Variants in SHISA9 observed in about 807,000 individuals in gnomAD.
The protein encoded by SHISA9 is protein shisa-9.
A neutral mutation model predicts 38.0 loss-of-function variants in SHISA9; 13 were observed. The observed-to-expected ratio is 0.34, with a 90% confidence interval of 0.22 to 0.54. The LOEUF (loss-of-function observed/expected upper bound fraction) is 0.54, where lower values mean the gene tolerates loss of function less well. Ranked by LOEUF, SHISA9 falls within the 20% of genes least tolerant of loss-of-function variation. SHISA9 has a pLI of 0.91. For missense variants in SHISA9, 538 were observed against 575.8 expected, an observed-to-expected ratio of 0.93 and a Z score of 0.67; for synonymous variants, 275 against 242.0, an observed-to-expected ratio of 1.14 and a Z score of -1.27.
intron 2 of SHISA9, among the ~76,000 whole-genome samples, chr16:13,114,900 CTCCATCCATCCATCCA>C (rs3075115): frequency 6.7e-6 from 1 of 149,786 alleles, no homozygotes; most frequent in African/African-American, 2.5e-5. Context: ...TTACATCTAA[CTCCATCCATCCATCCA>C]TCCATCCATC....
the SHISA9 span, among the ~76,000 whole-genome samples, chr16:13,287,779 G>A: frequency 8.5e-5 from 13 of 152,138 alleles, no homozygotes; most frequent in African/African-American, 2.2e-4. Flanking sequence ...AAATTCAGCT[G>A]AACAATGATA....
chr16:13,387,688 C>A, the SHISA9 span, among the ~76,000 whole-genome samples: 22 of 152,062 alleles, frequency 1.4e-4, no homozygotes, highest in Non-Finnish European at 2.8e-4. Flanking sequence ...CAATGTTTCA[C>A]CATGTTGGCC....
chr16:13,211,623 G>A (rs969608573), intron 3 of SHISA9, among the ~76,000 whole-genome samples: 24 of 152,288 alleles, frequency 1.6e-4, no homozygotes, highest in Non-Finnish European at 3.4e-4. Flanking sequence ...GTGTGACCAA[G>A]TACACAGTGG....
At chr16:13,301,935 C>A in the SHISA9 span, among the ~76,000 whole-genome samples, 3 of 152,092 alleles carry the variant, frequency 2.0e-5, no homozygotes, top group Non-Finnish European at 4.4e-5. Flanking sequence ...GTGGTACATG[C>A]CTGGTGCAAG....
At chr16:13,175,282 T>TG (rs2050722268) in intron 2 of SHISA9, among the ~76,000 whole-genome samples, 1 of 152,046 alleles carries the variant, frequency 6.6e-6, no homozygotes, top group African/African-American at 2.4e-5. Context: ...CCAGCTACTC[T>TG]GGAGGCTGAG....
chr16:13,496,201 C>T, the SHISA9 span, among the ~76,000 whole-genome samples: 1 of 152,022 alleles, frequency 6.6e-6, no homozygotes, highest in Non-Finnish European at 1.5e-5. Flanking sequence ...AATGTTTTAC[C>T]TGGAAAGATG....
At chr16:12,993,457 G>T (rs2072415695) in intron 2 of SHISA9, among the ~76,000 whole-genome samples, 1 of 152,096 alleles carries the variant, frequency 6.6e-6, no homozygotes, top group African/African-American at 2.4e-5. Context: ...CTGAGCTTCA[G>T]TTTCCTTCAA....
At chr16:13,204,367 G>A (rs532061546) in intron 3 of SHISA9, among the ~76,000 whole-genome samples, 4 of 152,208 alleles carry the variant, frequency 2.6e-5, no homozygotes, top group East Asian at 1.9e-4. Context: ...GTGGCTGGGC[G>A]AGGGGCACAT....
At chr16:13,213,884 A>C (rs947119623) in intron 4 of SHISA9, among the ~76,000 whole-genome samples, 10 of 152,314 alleles carry the variant, frequency 6.6e-5, no homozygotes, top group African/African-American at 2.4e-4. Flanking sequence ...TATGTGCCAG[A>C]GGACTGGCCC....
At chr16:13,473,243 A>G in the SHISA9 span, among the ~76,000 whole-genome samples, 1 of 151,992 alleles carries the variant, frequency 6.6e-6, no homozygotes, top group Non-Finnish European at 1.5e-5. Flanking sequence ...ATTTTCCATT[A>G]CCAAGGCAAG....
the SHISA9 span, among the ~76,000 whole-genome samples, chr16:13,282,184 G>A: frequency 6.6e-6 from 1 of 152,094 alleles, no homozygotes; most frequent in South Asian, 2.1e-4. Context: ...ATGCAGGCAT[G>A]CTGGTAATGT....
intron 1 of SHISA9, chr16:12,909,365 C>T: frequency 1.0e-6 from 1 of 985,436 alleles, no homozygotes; most frequent in Non-Finnish European, 1.2e-6. Flanking sequence ...ATAATTGATG[C>T]TTCTTGTGCA....
intron 2 of SHISA9, among the ~76,000 whole-genome samples, chr16:12,979,716 G>A (rs1017441346): frequency 3.3e-4 from 50 of 152,062 alleles, no homozygotes; most frequent in African/African-American, 1.2e-3. Context: ...AACGTTGTGT[G>A]TTGCTGTGGT....
the SHISA9 span, among the ~76,000 whole-genome samples, chr16:13,512,409 C>T: frequency 2.0e-4 from 31 of 152,088 alleles, no homozygotes; most frequent in African/African-American, 5.8e-4. Flanking sequence ...GAATCAATAT[C>T]GTGAAAATGG....
chr16:13,549,930 G>A, the SHISA9 span, among the ~76,000 whole-genome samples: 1 of 152,124 alleles, frequency 6.6e-6, no homozygotes, highest in Admixed American at 6.5e-5. Context: ...GGCTGAGGCA[G>A]GAGAATCGCT....
At chr16:13,259,299 C>T in the SHISA9 span, among the ~76,000 whole-genome samples, 3 of 152,174 alleles carry the variant, frequency 2.0e-5, no homozygotes, top group Non-Finnish European at 2.9e-5. Context: ...TGGTCTTGGG[C>T]AGCTTTGCCC....
intron 2 of SHISA9, among the ~76,000 whole-genome samples, chr16:13,150,490 T>C (rs2050489870): frequency 6.6e-6 from 1 of 152,094 alleles, no homozygotes; most frequent in Non-Finnish European, 1.5e-5. Context: ...AGCAAGTAGC[T>C]AAGAAAGAGG....
At chr16:13,158,977 T>G (rs1434948879) in intron 2 of SHISA9, among the ~76,000 whole-genome samples, 2 of 151,122 alleles carry the variant, frequency 1.3e-5, no homozygotes, top group East Asian at 3.9e-4. Flanking sequence ...GGAGAATCAC[T>G]TGAACCCAGG....
the SHISA9 span, among the ~76,000 whole-genome samples, chr16:13,387,117 A>G: frequency 6.6e-6 from 1 of 152,196 alleles, no homozygotes; most frequent in Non-Finnish European, 1.5e-5. Context: ...TATAAAATTC[A>G]TCCATTTCTG....
Sources: gnomAD v4.1 joint callset for allele counts (sites outside exome capture counted in the v4.1 genomes callset) on GRCh38, gnomAD v4.1.1 for gene constraint, MANE v1.5 for transcripts, NCBI Gene and HGNC (gene_info 2026-07-23, HGNC 2026-07-21) for gene names.